LEMD3: variants seen among roughly 807,000 people sequenced by gnomAD.
LEMD3 encodes inner nuclear membrane protein Man1.
In LEMD3, 33 loss-of-function variants were observed where a neutral mutation model predicts 95.2. That is an observed-to-expected ratio of 0.35 (90% confidence interval 0.26 to 0.46). The LOEUF (loss-of-function observed/expected upper bound fraction) is 0.46, where lower values mean the gene tolerates loss of function less well. Ranked by LOEUF, LEMD3 falls within the 20% of genes least tolerant of loss-of-function variation. The probability of loss-of-function intolerance (pLI) is 1.00; values close to 1 mark genes in which losing one functional copy is unlikely to be tolerated. For synonymous variants in LEMD3, 525 were observed against 474.6 expected (o/e 1.11, Z -1.38); for missense variants, 1,210 against 1,192.8 (o/e 1.01, Z -0.21).
chr12:65,235,244 T>C (rs1870740220), intron 4 of LEMD3, among the ~76,000 whole-genome samples: 1 of 152,162 alleles, frequency 6.6e-6, no homozygotes, highest in South Asian at 2.1e-4. Flanking sequence ...TGATAACCTA[T>C]ATTAATCTTG....
At chr12:65,205,984 T>C (rs1017379183) in intron 1 of LEMD3, among the ~76,000 whole-genome samples, 2 of 152,160 alleles carry the variant, frequency 1.3e-5, no homozygotes, top group Non-Finnish European at 1.5e-5. Context: ...TAGAGAACTT[T>C]CAGAAAACAA....
At chr12:65,182,825 G>A (rs996388338) in intron 1 of LEMD3, among the ~76,000 whole-genome samples, 1 of 152,132 alleles carries the variant, frequency 6.6e-6, no homozygotes, top group Non-Finnish European at 1.5e-5. Flanking sequence ...TGTTAATACT[G>A]TGTGAAGAAC....
At chr12:65,223,108 ACTC>A (rs1870342216) in intron 4 of LEMD3, among the ~76,000 whole-genome samples, 1 of 151,614 alleles carries the variant, frequency 6.6e-6, no homozygotes, top group Non-Finnish European at 1.5e-5. Context: ...TGTGTATTCT[ACTC>A]CTGTTGGGTG....
Position 65,225,584 on chromosome 12 carries a change from T to C in LEMD3, c.1695+6965T>C, listed in dbSNP as rs117585064. Among the ~76,000 whole-genome samples the C allele has an allele frequency of 1.5e-3, 225 of 152,242 alleles. 6 individuals carry two copies. In the East Asian group the frequency reaches 0.038, roughly 26 times the overall value. On this transcript the variant is annotated intron_variant, in intron 4 of 12. Coordinates refer to ENST00000308330, the MANE Select transcript of LEMD3 (RefSeq NM_014319.5). ...AGCTGCCATAAGCTATCCAACTCTT[T>C]TGTTTGTTTGTTTTGAGACAGAGTC...
At position 65,170,519 on chromosome 12, in the gene LEMD3, CTTCAG is replaced by C; in HGVS notation, c.929_933del (p.Val310GlyfsTer9). The stretch of plus-strand genomic sequence containing the variant: ...AAATCGGCCGGCGGCAGGCTGGAGA[CTTCAG>C]TTCAGGGAGGGGGAGGACTCGCGAT... On this transcript the variant is annotated frameshift_variant, in exon 1 of 13. Coordinates refer to ENST00000308330, the MANE Select transcript of LEMD3 (RefSeq NM_014319.5). LOFTEE classifies it high-confidence loss of function. 1.2e-6 allele frequency: 2 copies of C among 1,614,102 alleles called. No individual in the cohort carries two copies. The highest frequency in any genetic ancestry group is 1.7e-6 in the Non-Finnish European group (2 of 1,180,020).
chr12:65,240,209 A>G lies in LEMD3; in HGVS notation c.2097A>G (p.Val699=). Residue 699 remains valine, a synonymous_variant, in exon 8 of 13, where the codon GTA becomes GTG. Coordinates refer to ENST00000308330, the MANE Select transcript of LEMD3 (RefSeq NM_014319.5). ...AACCTTACATGCCTATTCCACATGT[A>G]CGCGATTCCTTAATACAGCCTCATG... ...DLQPYMPIPH[V]RDSLIQPHDR... The G allele has an allele frequency of 6.2e-7, 1 of 1,613,626 alleles. No homozygotes were observed. Among genetic ancestry groups the G allele is most frequent in the Non-Finnish European group, 8.5e-7 (1 of 1,179,596 alleles).
At chr12:65,214,976 C>T (rs1011767471) in intron 2 of LEMD3, among the ~76,000 whole-genome samples, 1 of 152,140 alleles carries the variant, frequency 6.6e-6, no homozygotes, top group African/African-American at 2.4e-5. Flanking sequence ...ATTTCTGCTT[C>T]CGAGCCAGCC....
chr12:65,202,777 C>T (rs1053584712), intron 1 of LEMD3, among the ~76,000 whole-genome samples: 3 of 152,104 alleles, frequency 2.0e-5, no homozygotes, highest in African/African-American at 7.2e-5. Context: ...TGAGTTTTGA[C>T]AGATTGTGTC....
chr12:65,188,342 T>A (rs1007368458), intron 1 of LEMD3, among the ~76,000 whole-genome samples: 1 of 152,060 alleles, frequency 6.6e-6, no homozygotes, highest in Admixed American at 6.6e-5. Flanking sequence ...GCAGAATAAA[T>A]TAAACAGTTT....
intron 1 of LEMD3, among the ~76,000 whole-genome samples, chr12:65,199,179 T>G (rs1299661352): frequency 6.6e-6 from 1 of 152,160 alleles, no homozygotes; most frequent in African/African-American, 2.4e-5. Context: ...TAGTTACTGA[T>G]CAGATTCAGG....
chr12:65,170,444 G>T lies in LEMD3; in HGVS notation c.848G>T (p.Arg283Leu). The T allele has an allele frequency of 6.2e-7, 1 of 1,613,868 alleles. No individual in the cohort carries two copies. The highest frequency in any genetic ancestry group is 8.5e-7 in the Non-Finnish European group (1 of 1,179,960). Residue 283 changes from arginine (R) to leucine (L), a missense_variant, in exon 1 of 13, where the codon CGG (arginine) becomes CTG (leucine). By Grantham distance (102) the Arg-to-Leu change is moderately radical. This residue lies in a region of LEMD3 where 749 missense variants were observed against 622.9 expected (regional missense o/e 1.20). Coordinates refer to ENST00000308330, the MANE Select transcript of LEMD3 (RefSeq NM_014319.5). Reference sequence around the variant, plus strand: ...GTATTAAAGGACGACTCCCTTTCCCGGCATCGGCCCAGACGAACCCATAGT... The same window carrying T: ...GTATTAAAGGACGACTCCCTTTCCCTGCATCGGCCCAGACGAACCCATAGT... ...RQVLKDDSLS[R>L]HRPRRTHSKP...
intron 1 of LEMD3, among the ~76,000 whole-genome samples, chr12:65,188,334 A>G (rs570479496): frequency 1.2e-4 from 19 of 152,296 alleles, no homozygotes; most frequent in African/African-American, 4.1e-4. Flanking sequence ...AACTTTAGGC[A>G]GAATAAATTA....
At chr12:65,214,937 T>C (rs915599999) in intron 2 of LEMD3, among the ~76,000 whole-genome samples, 5 of 152,192 alleles carry the variant, frequency 3.3e-5, no homozygotes, top group African/African-American at 1.2e-4. Context: ...ATTGCAATAA[T>C]TCTCTATCTG....
In LEMD3 at chr12:65,214,577, G is replaced by A. The variant is rs532246205; in HGVS notation, c.1561-1400G>A. ...ATGACAAAAGCATGCCACCCATAGT[G>A]TGCAAACATGTTCTCTTCTGTCCCT... On this transcript the variant is annotated intron_variant, in intron 2 of 12. Coordinates refer to ENST00000308330, the MANE Select transcript of LEMD3 (RefSeq NM_014319.5). Among the ~76,000 whole-genome samples the A allele has an allele frequency of 7.9e-4, 121 of 152,250 alleles. 2 individuals are homozygous for A. The highest frequency in any genetic ancestry group is 7.8e-3 in the Admixed American group (120 of 15,288).
At chr12:65,215,382 T>A (rs769479120) in intron 2 of LEMD3, among the ~76,000 whole-genome samples, 24 of 152,326 alleles carry the variant, frequency 1.6e-4, no homozygotes, top group Non-Finnish European at 3.2e-4. Context: ...ATATGTTTTT[T>A]GCCCTTGAGT....
chr12:65,197,357 T>G (rs1869464237), intron 1 of LEMD3, among the ~76,000 whole-genome samples: 2 of 152,106 alleles, frequency 1.3e-5, no homozygotes, highest in African/African-American at 2.4e-5. Context: ...ATTCTCTCAC[T>G]CCACTACAAG....
At chr12:65,221,752 T>TC (rs1331224017) in intron 4 of LEMD3, among the ~76,000 whole-genome samples, 1 of 150,256 alleles carries the variant, frequency 6.7e-6, no homozygotes, top group Non-Finnish European at 1.5e-5. Context: ...TTTTTTTTTT[T>TC]TTCCTTGAGA....
chr12:65,230,400 A>G (rs1870586165), intron 4 of LEMD3, among the ~76,000 whole-genome samples: 1 of 152,106 alleles, frequency 6.6e-6, no homozygotes, highest in African/African-American at 2.4e-5. Context: ...TGTAGTTTTC[A>G]TAATCTTCTA....
At chr12:65,244,158 A>G (rs1331693028) in intron 10 of LEMD3, among the ~76,000 whole-genome samples, 2 of 152,238 alleles carry the variant, frequency 1.3e-5, no homozygotes, top group African/African-American at 2.4e-5. Flanking sequence ...TATGTATACA[A>G]TACCCCCAAA....
Sources: gnomAD v4.1 joint callset for allele counts (sites outside exome capture counted in the v4.1 genomes callset) on GRCh38, gnomAD v4.1.1 for gene constraint, gnomAD v4.1.1 regional missense constraint, MANE v1.5 for transcripts, NCBI Gene and HGNC (gene_info 2026-07-23, HGNC 2026-07-21) for gene names.